CCDC150: variants seen among roughly 807,000 people sequenced by gnomAD.
The protein encoded by CCDC150 is coiled-coil domain containing 150.
In CCDC150, 151 loss-of-function variants were observed where a neutral mutation model predicts 156.5. The ratio of observed to expected loss-of-function variants is 0.97; its 90% confidence interval spans 0.85 to 1.10. CCDC150 has a LOEUF of 1.10. CCDC150 is among the 50% of genes least tolerant of loss of function. The probability of loss-of-function intolerance (pLI) is 0.00; values close to 1 mark genes in which losing one functional copy is unlikely to be tolerated. For synonymous variants in CCDC150, 452 were observed against 429.4 expected (o/e 1.05, Z -0.65); for missense variants, 1,312 against 1,268.1 (o/e 1.03, Z -0.53).
rs995524239 is a variant in CCDC150, at chr2:196,732,599, A to C, written c.*37A>C. On this transcript the variant is annotated 3_prime_UTR_variant, in exon 28 of 28. Transcript: ENST00000389175. Reference sequence around the variant, plus strand: ...AGGGAGCTTCTTTATGTGTAGCTACACTCCATGATTCCAAGAGCCCAGCAG... The same window carrying C: ...AGGGAGCTTCTTTATGTGTAGCTACCCTCCATGATTCCAAGAGCCCAGCAG... 9.5e-6 allele frequency: 13 copies of C among 1,363,726 alleles called. No homozygotes were observed. The Middle Eastern group carries it at 5.3e-4, about 56-fold the overall frequency. The allele number at this position is 1,363,726 out of a possible 1,614,324, so 84.5% of individuals were successfully genotyped here. A position where few individuals can be genotyped will look rare whatever the true frequency, so the allele number is the denominator to read the frequency against.
chr2:196,717,468 GA>G (rs1167596820), intron 17 of CCDC150, among the ~76,000 whole-genome samples: 1 of 152,128 alleles, frequency 6.6e-6, no homozygotes, highest in Non-Finnish European at 1.5e-5. Context: ...ATAGATGAAT[GA>G]AGGTTGAAAA....
chr2:196,696,557 T>A (rs566212526), intron 14 of CCDC150, among the ~76,000 whole-genome samples: 2 of 152,310 alleles, frequency 1.3e-5, no homozygotes, highest in East Asian at 3.9e-4. Context: ...TTGGTCAGTG[T>A]TGATTTTTGC....
intron 17 of CCDC150, among the ~76,000 whole-genome samples, chr2:196,717,255 GAAAGA>G (rs1461517137): frequency 1.3e-5 from 2 of 152,074 alleles, no homozygotes; most frequent in Non-Finnish European, 2.9e-5. Flanking sequence ...TGTAGTATGG[GAAAGA>G]AAAGAACAAA....
In CCDC150 at chr2:196,732,020, T is replaced by C. The variant is rs1698545498; in HGVS notation, c.3070-13T>C. 1.9e-6 allele frequency: 3 copies of C among 1,612,246 alleles called. No individual in the cohort carries two copies. Among genetic ancestry groups the C allele is most frequent in the African/African-American group, 2.7e-5 (2 of 74,968 alleles). On this transcript the variant is annotated splice_polypyrimidine_tract_variant and intron_variant, in intron 26 of 27. Transcript: ENST00000389175. Reference sequence around the variant, plus strand: ...TTCTTTGTGTCTTTTAATGGTGATATTTATATGTTCAGATAACAGCTAATC... The same window carrying C: ...TTCTTTGTGTCTTTTAATGGTGATACTTATATGTTCAGATAACAGCTAATC...
intron 13 of CCDC150, among the ~76,000 whole-genome samples, chr2:196,688,218 T>C (rs1239982082): frequency 3.9e-5 from 6 of 152,200 alleles, no homozygotes; most frequent in Non-Finnish European, 8.8e-5. Context: ...AATGACATGA[T>C]TCTTCTTATC....
chr2:196,684,813 G>A (rs1235029743), intron 13 of CCDC150, among the ~76,000 whole-genome samples: 1 of 151,946 alleles, frequency 6.6e-6, no homozygotes, highest in Non-Finnish European at 1.5e-5. Context: ...TATCTCACCA[G>A]TTTTTTCTTA....
At chr2:196,666,479 C>T (rs937587030) in intron 6 of CCDC150, among the ~76,000 whole-genome samples, 3 of 152,250 alleles carry the variant, frequency 2.0e-5, no homozygotes, top group Non-Finnish European at 4.4e-5. Flanking sequence ...TAGCCATATT[C>T]AAGTGCTCAG....
chr2:196,711,142 G>A (rs1255937720), intron 15 of CCDC150, among the ~76,000 whole-genome samples: 2 of 152,122 alleles, frequency 1.3e-5, no homozygotes, highest in Non-Finnish European at 2.9e-5. Flanking sequence ...TTGAACTATA[G>A]CATATATACT....
rs188494122 is a variant in CCDC150 at position 196,648,739 on chromosome 2, G to A, written c.176+2235G>A. Among the ~76,000 whole-genome samples, 22 of 152,150 alleles carry A rather than the reference G, an allele frequency of 1.4e-4. No individual in the cohort carries two copies. The East Asian group carries it at 3.9e-3, about 27-fold the overall frequency. Reference sequence around the variant, plus strand: ...ACCAATGTCAAAGAGGTTTTCCCTCGTGTTTTCTTCTAGTAGTTTTAGTTT... The same window carrying A: ...ACCAATGTCAAAGAGGTTTTCCCTCATGTTTTCTTCTAGTAGTTTTAGTTT... On this transcript the variant is annotated intron_variant, in intron 2 of 27. Coordinates refer to ENST00000389175, the MANE Select transcript of CCDC150 (RefSeq NM_001080539.2).
At chr2:196,682,856 TTATCTC>T (rs1165169067) in intron 13 of CCDC150, among the ~76,000 whole-genome samples, 1 of 152,078 alleles carries the variant, frequency 6.6e-6, no homozygotes. Flanking sequence ...TCTCTATAAA[TTATCTC>T]TATTTGTAAT....
At chr2:196,676,499 C>G in intron 11 of CCDC150, 55 bp from the exon 12 acceptor site, 1 of 1,459,850 alleles carries the variant, frequency 6.9e-7, no homozygotes. Context: ...ATTGCTCTTT[C>G]TGTTAAATTA....
chr2:196,649,526 G>A (rs1692750529), intron 2 of CCDC150, among the ~76,000 whole-genome samples: 1 of 152,164 alleles, frequency 6.6e-6, no homozygotes, highest in African/African-American at 2.4e-5. Flanking sequence ...AGGAGATATA[G>A]CCTAGGTACG....
intron 7 of CCDC150, 59 bp from the exon 8 acceptor site, chr2:196,669,774 A>G (rs1313453396): frequency 3.0e-5 from 33 of 1,109,672 alleles, no homozygotes; most frequent in Non-Finnish European, 4.4e-5. Context: ...GCTTCTCACT[A>G]TGTGATTTTA....
intron 14 of CCDC150, 126 bp from the exon 15 acceptor site, chr2:196,700,983 G>A (rs962925113): frequency 1.2e-5 from 8 of 644,722 alleles, no homozygotes; most frequent in Non-Finnish European, 2.1e-5. Flanking sequence ...AGCAGCAGTA[G>A]CAAATAAATA....
chr2:196,699,072 T>A (rs1245377954), intron 14 of CCDC150, among the ~76,000 whole-genome samples: 2 of 152,240 alleles, frequency 1.3e-5, no homozygotes, highest in Admixed American at 1.3e-4. Context: ...AGCACTGTGT[T>A]TTCCGCAAAA....
intron 15 of CCDC150, among the ~76,000 whole-genome samples, chr2:196,711,438 T>G (rs1697106076): frequency 6.6e-6 from 1 of 152,132 alleles, no homozygotes; most frequent in South Asian, 2.1e-4. Context: ...GGATGAAAAT[T>G]TTCCTGATTT....
In CCDC150 at chr2:196,721,591, CA is replaced by C. The variant is rs767141157; in HGVS notation, c.2331del (p.Ala778LeufsTer12). ...CAGGAAACTTGCTATGAGTCTGGAA[CA>C]AGCTCTCCAGACAAATAATCATCTG... ...DNRKLAMSLE[Q>X]ALQTNNHLQT... On this transcript the variant is annotated frameshift_variant, in exon 21 of 28. Coordinates refer to ENST00000389175, the MANE Select transcript of CCDC150 (RefSeq NM_001080539.2). LOFTEE classifies it high-confidence loss of function. The C allele has an allele frequency of 6.2e-7, 1 of 1,607,838 alleles. No homozygotes were observed. Among genetic ancestry groups the C allele is most frequent in the Admixed American group, 1.7e-5 (1 of 59,198 alleles).
At chr2:196,647,534 C>T (rs1198485017) in intron 2 of CCDC150, among the ~76,000 whole-genome samples, 1 of 152,022 alleles carries the variant, frequency 6.6e-6, no homozygotes, top group Non-Finnish European at 1.5e-5. Flanking sequence ...TTGGCCTCAT[C>T]TTTACCTAAT....
intron 5 of CCDC150, among the ~76,000 whole-genome samples, chr2:196,663,182 G>A (rs1455043839): frequency 1.3e-5 from 2 of 152,176 alleles, no homozygotes; most frequent in East Asian, 3.8e-4. Context: ...CAAGACTGCA[G>A]TGAGCCATGG....
Sources: gnomAD v4.1 joint callset for allele counts (sites outside exome capture counted in the v4.1 genomes callset) on GRCh38, gnomAD v4.1.1 for gene constraint, MANE v1.5 for transcripts, NCBI Gene and HGNC (gene_info 2026-07-23, HGNC 2026-07-21) for gene names.